The following DNM3 variants were observed in gnomAD, a reference collection of about 807,000 sequenced individuals.
DNM3 encodes the protein dynamin-3.
DNM3 carries 47 observed loss-of-function variants against 101.6 expected under a neutral mutation model. The ratio of observed to expected loss-of-function variants is 0.46; its 90% CI spans 0.37 to 0.59. The LOEUF (loss-of-function observed/expected upper bound fraction) is 0.59, where lower values mean the gene tolerates loss of function less well. Ranked by LOEUF, DNM3 falls within the 20% of genes least tolerant of loss-of-function variation. The pLI is 0.00. For missense variants in DNM3, 849 were observed against 1,085.7 expected, an observed-to-expected ratio of 0.78 and a Z score of 3.06; for synonymous variants, 385 against 387.9, an observed-to-expected ratio of 0.99 and a Z score of 0.09.
intron 1 of DNM3, among the ~76,000 whole-genome samples, chr1:171,846,850 A>G (rs2032188290): frequency 6.6e-6 from 1 of 152,210 alleles, no homozygotes; most frequent in Non-Finnish European, 1.5e-5. Flanking sequence ...AAAAGGGGCC[A>G]ACATTTGCTT....
At chr1:172,218,337 A>G (rs1313977123) in intron 14 of DNM3, among the ~76,000 whole-genome samples, 1 of 152,074 alleles carries the variant, frequency 6.6e-6, no homozygotes, top group Non-Finnish European at 1.5e-5. Flanking sequence ...TATGTACATG[A>G]AGATTTTTTT....
At chr1:172,041,479 G>A (rs2049382485) in intron 7 of DNM3, among the ~76,000 whole-genome samples, 1 of 152,108 alleles carries the variant, frequency 6.6e-6, no homozygotes, top group Non-Finnish European at 1.5e-5. Context: ...TGAGCATATG[G>A]GCCACTCACT....
intron 15 of DNM3, among the ~76,000 whole-genome samples, chr1:172,302,853 C>T (rs1557959736): frequency 6.6e-6 from 1 of 152,118 alleles, no homozygotes; most frequent in Non-Finnish European, 1.5e-5. Flanking sequence ...AAAGGACATC[C>T]ACACCAAAAC....
chr1:171,957,484 C>T (rs2042942535), intron 2 of DNM3, among the ~76,000 whole-genome samples: 1 of 152,160 alleles, frequency 6.6e-6, no homozygotes, highest in African/African-American at 2.4e-5. Context: ...AGGCGTGAGC[C>T]ACTATGCCCG....
chr1:171,980,532 A>G (rs1187964836), intron 2 of DNM3, among the ~76,000 whole-genome samples: 1 of 152,064 alleles, frequency 6.6e-6, no homozygotes, highest in East Asian at 1.9e-4. Flanking sequence ...CTTCAGTGCT[A>G]CAGAACTCTG....
chr1:172,330,343 T>G lies in DNM3; in HGVS notation c.1893+7003T>G, dbSNP rs370523964. Reference sequence around the variant, plus strand: ...AATATAAAGATATATATATAGAAATTTTCATGATAAATTAACAAAACATTG... The same window carrying G: ...AATATAAAGATATATATATAGAAATGTTCATGATAAATTAACAAAACATTG... On this transcript the variant is annotated intron_variant, in intron 17 of 20. Coordinates refer to ENST00000627582, the MANE Select transcript of DNM3 (RefSeq NM_015569.5). 3.2e-4 allele frequency among the ~76,000 whole-genome samples: 49 copies of G among 152,096 alleles called. 1 individual carries two copies. In the South Asian group the frequency reaches 1.0e-2, roughly 31 times the overall value.
chr1:172,072,903 A>C (rs894477918), intron 11 of DNM3, among the ~76,000 whole-genome samples: 1 of 152,164 alleles, frequency 6.6e-6, no homozygotes, highest in East Asian at 1.9e-4. Context: ...AACAACAAAA[A>C]AAAGAGTTAA....
At chr1:172,161,588 G>A (rs113175222) in intron 14 of DNM3, among the ~76,000 whole-genome samples, 83 of 152,048 alleles carry the variant, frequency 5.5e-4, no homozygotes, top group African/African-American at 2.0e-3. Context: ...AAATTTGAGA[G>A]GGGTACCACA....
intron 20 of DNM3, among the ~76,000 whole-genome samples, chr1:172,398,326 T>C (rs778901781): frequency 3.3e-5 from 5 of 152,230 alleles, no homozygotes; most frequent in Non-Finnish European, 5.9e-5. Context: ...ACTTGCCTGC[T>C]AGCTGTGTTT....
intron 15 of DNM3, among the ~76,000 whole-genome samples, chr1:172,286,420 GCAA>G (rs2063704640): frequency 6.6e-6 from 1 of 152,106 alleles, no homozygotes; most frequent in African/African-American, 2.4e-5. Flanking sequence ...AATTTGGATT[GCAA>G]CAACAACTTT....
intron 14 of DNM3, among the ~76,000 whole-genome samples, chr1:172,249,036 T>C (rs2062065465): frequency 6.6e-6 from 1 of 152,214 alleles, no homozygotes; most frequent in Non-Finnish European, 1.5e-5. Context: ...ATAATTCAAG[T>C]TATGAAACTC....
At chr1:172,367,401 A>T (rs1334576389) in intron 17 of DNM3, among the ~76,000 whole-genome samples, 2 of 151,916 alleles carry the variant, frequency 1.3e-5, no homozygotes, top group Non-Finnish European at 2.9e-5. Flanking sequence ...TACCGTCCTA[A>T]AAACATGCAA....
At chr1:172,220,751 G>A (rs1420068412) in intron 14 of DNM3, among the ~76,000 whole-genome samples, 1 of 152,112 alleles carries the variant, frequency 6.6e-6, no homozygotes, top group African/African-American at 2.4e-5. Flanking sequence ...TGAAGTTTTA[G>A]GGGATATCAT....
intron 15 of DNM3, among the ~76,000 whole-genome samples, chr1:172,280,244 G>A (rs1010083172): frequency 6.6e-6 from 1 of 152,028 alleles, no homozygotes; most frequent in African/African-American, 2.4e-5. Flanking sequence ...ATCTAAAGAG[G>A]CACCTTCATC....
At chr1:172,216,970 AAC>A (rs1342727860) in intron 14 of DNM3, among the ~76,000 whole-genome samples, 1 of 152,164 alleles carries the variant, frequency 6.6e-6, no homozygotes, top group East Asian at 1.9e-4. Flanking sequence ...ACTACCAGCC[AAC>A]CAAATTTCTG....
chr1:172,344,749 A>G (rs2066854633), intron 17 of DNM3, among the ~76,000 whole-genome samples: 1 of 152,218 alleles, frequency 6.6e-6, no homozygotes, highest in African/African-American at 2.4e-5. Flanking sequence ...CCTTTCTCAC[A>G]GTGTTTTATG....
chr1:172,291,526 T>C (rs2063916580), intron 15 of DNM3, among the ~76,000 whole-genome samples: 1 of 152,178 alleles, frequency 6.6e-6, no homozygotes, highest in Non-Finnish European at 1.5e-5. Flanking sequence ...GGAAAGAAGA[T>C]GGATTATTCT....
At chr1:172,313,606 A>G (rs568535434) in intron 16 of DNM3, among the ~76,000 whole-genome samples, 1 of 152,146 alleles carries the variant, frequency 6.6e-6, no homozygotes, top group Admixed American at 6.5e-5. Context: ...TTTACTAGCC[A>G]TGTGGCTCAG....
chr1:172,403,599 C>T (rs557197917), intron 20 of DNM3, among the ~76,000 whole-genome samples: 1 of 152,152 alleles, frequency 6.6e-6, no homozygotes, highest in East Asian at 1.9e-4. Flanking sequence ...GACTTTCTTA[C>T]AAAATTTGTC....
Sources: allele counts gnomAD v4.1 joint callset (sites outside exome capture counted in the v4.1 genomes callset), GRCh38; gene constraint gnomAD v4.1.1; transcripts MANE v1.5; gene names NCBI Gene and HGNC (gene_info 2026-07-23, HGNC 2026-07-21).